The following PPP6C variants were observed in gnomAD, a reference collection of about 807,000 sequenced individuals.
PPP6C encodes the protein serine/threonine-protein phosphatase 6 catalytic subunit.
PPP6C carries 11 observed loss-of-function variants against 39.8 expected under a neutral mutation model. The observed-to-expected ratio is 0.28, with a 90% CI of 0.17 to 0.46. The LOEUF (loss-of-function observed/expected upper bound fraction) is 0.46. Ranked by LOEUF, PPP6C falls within the 20% of genes least tolerant of loss-of-function variation. The pLI is 1.00. For missense variants in PPP6C, 211 were observed against 373.9 expected, an observed-to-expected ratio of 0.56 and a Z score of 3.59; for synonymous variants, 129 against 130.3, an observed-to-expected ratio of 0.99 and a Z score of 0.07.
At chr9:125,176,305 G>A (rs191262300) in intron 1 of PPP6C, among the ~76,000 whole-genome samples, 6 of 152,260 alleles carry the variant, frequency 3.9e-5, no homozygotes, top group East Asian at 1.9e-4. Flanking sequence ...TGAGTGTAAC[G>A]GGAAGCCATT....
chr9:125,177,840 G>C (rs1215573998), intron 1 of PPP6C, among the ~76,000 whole-genome samples: 2 of 152,122 alleles, frequency 1.3e-5, no homozygotes, highest in East Asian at 3.9e-4. Flanking sequence ...GAAAACCACT[G>C]ATCTTTTTAC....
chr9:125,179,975 A>T (rs1829388576), intron 1 of PPP6C, among the ~76,000 whole-genome samples: 1 of 152,076 alleles, frequency 6.6e-6, no homozygotes, highest in Admixed American at 6.6e-5. Flanking sequence ...TTTTTAAAAC[A>T]ACTATTGCAA....
At chr9:125,177,960 A>G (rs1342688558) in intron 1 of PPP6C, among the ~76,000 whole-genome samples, 4 of 152,120 alleles carry the variant, frequency 2.6e-5, no homozygotes, top group African/African-American at 9.7e-5. Flanking sequence ...AGGTTCTTCC[A>G]TGTCTTTTTA....
At position 125,147,417 on chromosome 9, in the gene PPP6C, A is replaced by C. The variant is rs929221634; in HGVS notation, c.*2256T>G. The C allele has an allele frequency of 1.3e-5, 2 of 152,056 alleles. No homozygotes were observed. Among genetic ancestry groups the C allele is most frequent in the African/African-American group, 4.8e-5 (2 of 41,454 alleles). 9.4% of individuals were successfully genotyped at this position (152,056 alleles called of 1,614,324 possible). A position where few individuals can be genotyped will look rare whatever the true frequency, so the allele number is the denominator to read the frequency against. ...ACCACATGATAACTCTATATAGTAC[A>C]TATAGTACATAGCCCTTATTTATTG... is the stretch of plus-strand genomic sequence containing the variant. On this transcript the variant is annotated 3_prime_UTR_variant, in exon 7 of 7. Transcript: ENST00000373547.
chr9:125,178,218 A>T (rs913653368), intron 1 of PPP6C, among the ~76,000 whole-genome samples: 2 of 152,210 alleles, frequency 1.3e-5, no homozygotes, highest in Admixed American at 1.3e-4. Context: ...TTTTATAAGA[A>T]ACTGCCAAAC....
At chr9:125,186,231 A>T (rs1829527539) in intron 1 of PPP6C, among the ~76,000 whole-genome samples, 1 of 152,022 alleles carries the variant, frequency 6.6e-6, no homozygotes, top group South Asian at 2.1e-4. Context: ...AGCCTCAGAA[A>T]AAGTACTCCT....
intron 4 of PPP6C, 73 bp downstream of exon 4, chr9:125,158,168 T>G: frequency 7.0e-7 from 1 of 1,425,660 alleles, no homozygotes; most frequent in Non-Finnish European, 9.7e-7. Flanking sequence ...AGCATGTGTA[T>G]GACTTGTGTA....
chr9:125,161,516 T>G (rs758090778), intron 2 of PPP6C, among the ~76,000 whole-genome samples: 5 of 152,178 alleles, frequency 3.3e-5, no homozygotes, highest in Non-Finnish European at 5.9e-5. Context: ...CAATCATAAC[T>G]CACTGCAGCC....
At chr9:125,159,719 G>A (rs946837107) in intron 3 of PPP6C, among the ~76,000 whole-genome samples, 9 of 152,148 alleles carry the variant, frequency 5.9e-5, no homozygotes, top group African/African-American at 2.2e-4. Flanking sequence ...ACAGCTGAAA[G>A]AATAGGAAAG....
chr9:125,188,628 A>G (rs1355304495), intron 1 of PPP6C, among the ~76,000 whole-genome samples: 1 of 151,806 alleles, frequency 6.6e-6, no homozygotes, highest in African/African-American at 2.4e-5. Context: ...TCTACTAAAA[A>G]TACAAAACAG....
At chr9:125,180,509 G>A (rs1186498592) in intron 1 of PPP6C, among the ~76,000 whole-genome samples, 2 of 152,010 alleles carry the variant, frequency 1.3e-5, no homozygotes, top group South Asian at 4.2e-4. Flanking sequence ...TACACCCTCC[G>A]CCTCCCAGGT....
At chr9:125,159,412 G>GC (rs939047820) in intron 3 of PPP6C, among the ~76,000 whole-genome samples, 1 of 146,048 alleles carries the variant, frequency 6.8e-6, no homozygotes, top group African/African-American at 2.5e-5. Context: ...TCACTATGTT[G>GC]CCCAGGTTGG....
chr9:125,168,644 A>C (rs1436344202), intron 2 of PPP6C, among the ~76,000 whole-genome samples: 1 of 151,398 alleles, frequency 6.6e-6, no homozygotes, highest in African/African-American at 2.4e-5. Flanking sequence ...TTTTTAGTAG[A>C]GACGGGGTTT....
chr9:125,166,541 T>TTTC (rs1554721984), intron 2 of PPP6C, among the ~76,000 whole-genome samples: 6 of 150,910 alleles, frequency 4.0e-5, no homozygotes, highest in Non-Finnish European at 7.4e-5. Context: ...TTTTCTTTTT[T>TTTC]TTTTTTTTTT....
intron 5 of PPP6C, 51 bp from the exon 6 acceptor site, chr9:125,153,793 A>G (rs1261653476): frequency 3.8e-6 from 6 of 1,563,884 alleles, no homozygotes; most frequent in South Asian, 1.1e-5. Flanking sequence ...AGGCATATCT[A>G]AACTCATCAG....
At chr9:125,187,180 C>T (rs1175204944) in intron 1 of PPP6C, among the ~76,000 whole-genome samples, 1 of 151,810 alleles carries the variant, frequency 6.6e-6, no homozygotes, top group Non-Finnish European at 1.5e-5. Flanking sequence ...CTCCTGACCT[C>T]AAGTGATCCA....
In PPP6C at chr9:125,146,837, A is replaced by G. The variant is rs1190502603; in HGVS notation, c.*2836T>C. ...CACAATTTCCTGGAAGCTGATGGAA[A>G]GTGATTCTATTTCTGACAATGAAAG... On this transcript the variant is annotated 3_prime_UTR_variant, in exon 7 of 7. Coordinates refer to ENST00000373547, the MANE Select transcript of PPP6C (RefSeq NM_002721.5). 6.6e-6 allele frequency: 1 copy of G among 152,244 alleles called. No individual in the cohort carries two copies. Among genetic ancestry groups the G allele is most frequent in the Non-Finnish European group, 1.5e-5 (1 of 68,040 alleles). The allele number at this position is 152,244 out of a possible 1,614,324, so 9.4% of individuals were successfully genotyped here.
Position 125,182,181 on chromosome 9 carries a change from T to C in PPP6C, c.75+7463A>G, listed in dbSNP as rs561385270. Reference sequence around the variant, plus strand: ...TTTTCCTCAAGACATTTGTTCACAGTTCCATTCTATTCTCTGTTCTGTCTC... The same window carrying C: ...TTTTCCTCAAGACATTTGTTCACAGCTCCATTCTATTCTCTGTTCTGTCTC... On this transcript the variant is annotated intron_variant, in intron 1 of 6. Coordinates refer to ENST00000373547, the MANE Select transcript of PPP6C (RefSeq NM_002721.5). Among the ~76,000 whole-genome samples the C allele has an allele frequency of 2.0e-5, 3 of 152,338 alleles. No individual in the cohort carries two copies. In the South Asian group the frequency reaches 6.2e-4, roughly 32 times the overall value.
chr9:125,159,507 A>G (rs1828808182), intron 3 of PPP6C, among the ~76,000 whole-genome samples: 2 of 152,064 alleles, frequency 1.3e-5, no homozygotes, highest in Non-Finnish European at 2.9e-5. Context: ...ATGCCCAGGT[A>G]AAATAATTTT....
Sources: gnomAD v4.1 joint callset for allele counts (sites outside exome capture counted in the v4.1 genomes callset) on GRCh38, gnomAD v4.1.1 for gene constraint, MANE v1.5 for transcripts, NCBI Gene and HGNC (gene_info 2026-07-23, HGNC 2026-07-21) for gene names.